CFAP61: variants seen among roughly 807,000 people sequenced by gnomAD.
CFAP61 encodes cilia- and flagella-associated protein 61.
CFAP61 carries 107 observed loss-of-function variants against 135.6 expected under a neutral mutation model. The ratio of observed to expected loss-of-function variants is 0.79; its 90% confidence interval spans 0.67 to 0.93. The LOEUF is 0.93. CFAP61 is among the 40% of genes least tolerant of loss of function. CFAP61 has a pLI of 0.00. For missense variants in CFAP61, 1,507 were observed against 1,556.2 expected, an observed-to-expected ratio of 0.97 and a Z score of 0.53; for synonymous variants, 575 against 578.5, an observed-to-expected ratio of 0.99 and a Z score of 0.09.
chr20:20,208,201 A>G (rs543245773), intron 17 of CFAP61, among the ~76,000 whole-genome samples: 2 of 152,190 alleles, frequency 1.3e-5, no homozygotes, highest in Admixed American at 1.3e-4. Context: ...GAAGTCATAA[A>G]GCCACTTGAG....
rs2055635455 is a variant in CFAP61 at position 20,187,961 on chromosome 20, G to T, written c.1417G>T (p.Asp473Tyr). ...SINIRFATLL[D>Y]TPGVENLVST... ...TAATATAAGATTTGCCACTCTCTTG[G>T]ATACTCCTGGTGTGGAAAATCTTGT... is the stretch of plus-strand genomic sequence containing the variant. The change falls in exon 14 of 27, where the codon GAT becomes TAT. Residue 473 changes from aspartate to tyrosine, a missense_variant. By Grantham distance (160) the Asp-to-Tyr change is radical. Coordinates refer to ENST00000245957, the MANE Select transcript of CFAP61 (RefSeq NM_015585.4). 1.9e-6 allele frequency: 3 copies of T among 1,613,470 alleles called. No homozygotes were observed. The highest frequency in any genetic ancestry group is 2.5e-6 in the Non-Finnish European group (3 of 1,179,458).
chr20:20,088,445 G>T (rs1043154445), intron 6 of CFAP61, among the ~76,000 whole-genome samples: 2 of 152,138 alleles, frequency 1.3e-5, no homozygotes, highest in Non-Finnish European at 2.9e-5. Context: ...TCTTCACAAG[G>T]CAGCAAGAAA....
chr20:20,291,004 T>C (rs2054964902), intron 24 of CFAP61, among the ~76,000 whole-genome samples: 1 of 152,204 alleles, frequency 6.6e-6, no homozygotes, highest in South Asian at 2.1e-4. Context: ...CAATAGACTT[T>C]ATTTTTTAGA....
intron 18 of CFAP61, among the ~76,000 whole-genome samples, chr20:20,228,882 C>T (rs941698465): frequency 1.3e-5 from 2 of 152,186 alleles, no homozygotes; most frequent in African/African-American, 4.8e-5. Context: ...ATCTGGACTC[C>T]TGGGGAATGG....
intron 25 of CFAP61, among the ~76,000 whole-genome samples, chr20:20,340,550 G>T (rs1029536229): frequency 1.3e-5 from 2 of 152,092 alleles, no homozygotes; most frequent in Admixed American, 1.3e-4. Context: ...AAGGGTCCCC[G>T]ACGGGCAACA....
intron 20 of CFAP61, among the ~76,000 whole-genome samples, chr20:20,255,865 C>T (rs1478538478): frequency 6.6e-6 from 1 of 152,192 alleles, no homozygotes; most frequent in South Asian, 2.1e-4. Flanking sequence ...GTGACTGCCT[C>T]GGCCAACAAA....
At position 20,052,593 on chromosome 20, in the gene CFAP61, T is replaced by G. The variant is rs780899904; in HGVS notation, c.-37+2T>G. The G allele has an allele frequency of 1.3e-5, 21 of 1,613,774 alleles. No homozygotes were observed. Among genetic ancestry groups the G allele is most frequent in the African/African-American group, 2.7e-5 (2 of 75,048 alleles). On this transcript the variant is annotated splice_donor_variant, in intron 1 of 26. Transcript: ENST00000245957. LOFTEE classifies it low-confidence loss of function (5UTR_SPLICE). ...CGGCGTCCTGGAGCTGCGGATGAGG[T>G]GGGTAACGCCGTGCTGACTAGCAGC...
At chr20:20,106,022 A>G (rs1160660680) in intron 8 of CFAP61, among the ~76,000 whole-genome samples, 3 of 64,234 alleles carry the variant, frequency 4.7e-5, no homozygotes, top group East Asian at 8.2e-4. Context: ...ATATATATAT[A>G]TATATATATA....
intron 2 of CFAP61, among the ~76,000 whole-genome samples, chr20:20,067,307 G>A (rs1416986409): frequency 6.6e-6 from 1 of 152,094 alleles, no homozygotes; most frequent in Admixed American, 6.6e-5. Context: ...TCTCAGCCGG[G>A]CGTGGTAGCT....
intron 20 of CFAP61, among the ~76,000 whole-genome samples, chr20:20,259,224 C>T (rs1002117375): frequency 1.4e-5 from 2 of 147,070 alleles, no homozygotes; most frequent in African/African-American, 5.0e-5. Context: ...CTGATGTCAA[C>T]AGGAACCCAG....
At chr20:20,063,534 G>A (rs1568807316) in intron 2 of CFAP61, among the ~76,000 whole-genome samples, 2 of 152,064 alleles carry the variant, frequency 1.3e-5, no homozygotes, top group Non-Finnish European at 2.9e-5. Context: ...AAAATCATTC[G>A]ATAAAATGCA....
intron 24 of CFAP61, among the ~76,000 whole-genome samples, chr20:20,294,790 C>T (rs1285076499): frequency 6.6e-6 from 1 of 150,912 alleles, no homozygotes; most frequent in African/African-American, 2.4e-5. Flanking sequence ...TAGCCGGGCG[C>T]GGTGGCTGGC....
intron 13 of CFAP61, among the ~76,000 whole-genome samples, chr20:20,175,034 CA>C: frequency 6.6e-6 from 1 of 152,312 alleles, no homozygotes; most frequent in Non-Finnish European, 1.5e-5. Flanking sequence ...AGTCCAGGTG[CA>C]ACAGCCAGGG....
Position 20,058,894 on chromosome 20 carries a change from A to G in CFAP61, c.143+2098A>G, listed in dbSNP as rs1024062918. ...GCTCACAGTCAAAAATCGTAAACACACAAGGAAACATGTATCATTAGAATC... is the reference window on the plus strand; with the variant it reads ...GCTCACAGTCAAAAATCGTAAACACGCAAGGAAACATGTATCATTAGAATC... On this transcript the variant is annotated intron_variant, in intron 2 of 26. Coordinates refer to ENST00000245957, the MANE Select transcript of CFAP61 (RefSeq NM_015585.4). 2.1e-4 allele frequency among the ~76,000 whole-genome samples: 32 copies of G among 152,366 alleles called. 1 individual carries two copies. The East Asian group carries it at 5.2e-3, about 25-fold the overall frequency.
Position 20,360,508 on chromosome 20 carries a change from C to T in CFAP61, c.*98C>T. The T allele has an allele frequency of 9.2e-7, 1 of 1,091,730 alleles. No individual in the cohort carries two copies. Among genetic ancestry groups the T allele is most frequent in the South Asian group, 1.4e-5 (1 of 70,408 alleles). The allele number at this position is 1,091,730 out of a possible 1,614,324, so 67.6% of individuals were successfully genotyped here. A position where few individuals can be genotyped will look rare whatever the true frequency, so the allele number is the denominator to read the frequency against. On this transcript the variant is annotated 3_prime_UTR_variant, in exon 27 of 27. Coordinates refer to ENST00000245957, the MANE Select transcript of CFAP61 (RefSeq NM_015585.4). ...AGTTCTCTGCAGCCTGGTTTGACAG[C>T]GAAGCCAGCCCCTGGTGGTTTTGTT...
At chr20:20,234,947 G>A (rs374124399) in intron 18 of CFAP61, among the ~76,000 whole-genome samples, 3 of 152,112 alleles carry the variant, frequency 2.0e-5, no homozygotes, top group Non-Finnish European at 4.4e-5. Flanking sequence ...CTGTCCAAAG[G>A]CCTAGTGCTG....
At chr20:20,113,597 C>T (rs1329070653) in intron 8 of CFAP61, among the ~76,000 whole-genome samples, 1 of 152,184 alleles carries the variant, frequency 6.6e-6, no homozygotes, top group Admixed American at 6.5e-5. Context: ...ACTCAAGTCT[C>T]CTGCCCCATG....
intron 18 of CFAP61, among the ~76,000 whole-genome samples, chr20:20,242,554 CT>C (rs1157658352): frequency 2.6e-5 from 4 of 152,226 alleles, no homozygotes; most frequent in Admixed American, 2.6e-4. Context: ...GCTGGCACTG[CT>C]TATGAGCTTT....
intron 8 of CFAP61, among the ~76,000 whole-genome samples, chr20:20,118,297 C>CTTTCTTTCT (rs1471700091): frequency 1.8e-5 from 2 of 109,710 alleles, no homozygotes; most frequent in Admixed American, 9.3e-5. Flanking sequence ...TTCTTTCTTT[C>CTTTCTTTCT]TTTCTTTCTT....
Sources: gnomAD v4.1 joint callset for allele counts (sites outside exome capture counted in the v4.1 genomes callset) on GRCh38, gnomAD v4.1.1 for gene constraint, MANE v1.5 for transcripts, NCBI Gene and HGNC (gene_info 2026-07-23, HGNC 2026-07-21) for gene names.